Variants in MED13L observed in about 807,000 individuals in gnomAD.
MED13L encodes the protein mediator complex subunit 13L, also known as mediator of RNA polymerase II transcription subunit 13-like.
A neutral mutation model predicts 220.9 loss-of-function variants in MED13L; 7 were observed. That is an observed-to-expected ratio of 0.03 (90% CI 0.02 to 0.06). The LOEUF (loss-of-function observed/expected upper bound fraction) is 0.06, where lower values mean the gene tolerates loss of function less well. MED13L is among the 10% of genes least tolerant of loss of function. The pLI is 1.00. For missense variants in MED13L, 1,965 were observed against 2,760.5 expected (o/e 0.71, Z 6.46); for synonymous variants, 1,011 against 1,015.2 (o/e 1.00, Z 0.08).
At chr12:116,011,023 C>T (rs896337932) in intron 9 of MED13L, among the ~76,000 whole-genome samples, 5 of 151,906 alleles carry the variant, frequency 3.3e-5, no homozygotes, top group Non-Finnish European at 5.9e-5. Context: ...ATTACAGACA[C>T]GCACCACCAT....
In MED13L at chr12:116,015,205, T is replaced by C. The variant is rs760424314; in HGVS notation, c.1079A>G (p.His360Arg). ...AATCTTCCCCGATCTCTTTGGACTG[T>C]GCATCGTTATCATCCCTCCATCTTG... Reference protein sequence around the residue: ...VSQDGGMITMHSPKRSGKIPP... With the variant: ...VSQDGGMITMRSPKRSGKIPP... Residue 360 changes from histidine (H) to arginine (R), a missense_variant, in exon 8 of 31, where the codon CAC becomes CGC. Around this residue, in one of 10 missense-constraint regions of MED13L, gnomAD observed 818 missense variants for 1,041.2 expected, o/e 0.79. Coordinates refer to ENST00000281928, the MANE Select transcript of MED13L (RefSeq NM_015335.5). 2 of 1,613,948 alleles carry C rather than the reference T, an allele frequency of 1.2e-6. No homozygotes were observed. The highest frequency in any genetic ancestry group is 1.1e-5 in the South Asian group (1 of 91,084).
intron 2 of MED13L, among the ~76,000 whole-genome samples, chr12:116,211,160 T>TA: frequency 6.6e-6 from 1 of 152,172 alleles, no homozygotes; most frequent in African/African-American, 2.4e-5. Flanking sequence ...TCCCTTTTCT[T>TA]ACGATGGTGC....
intron 1 of MED13L, among the ~76,000 whole-genome samples, chr12:116,272,859 A>C (rs1873496090): frequency 6.6e-6 from 1 of 152,240 alleles, no homozygotes; most frequent in Non-Finnish European, 1.5e-5. Flanking sequence ...TGTACTTAAA[A>C]ATATTTACTA....
intron 10 of MED13L, chr12:116,007,926 T>G: frequency 2.3e-6 from 1 of 431,336 alleles, no homozygotes; most frequent in East Asian, 4.7e-5. Context: ...GTTATAAAAT[T>G]AACGTAATAA....
At chr12:116,015,559 C>T (rs1879677893) in intron 7 of MED13L, among the ~76,000 whole-genome samples, 1 of 152,134 alleles carries the variant, frequency 6.6e-6, no homozygotes, top group Non-Finnish European at 1.5e-5. Context: ...TACATAGGCA[C>T]TCCTAGTCCA....
intron 2 of MED13L, among the ~76,000 whole-genome samples, chr12:116,185,860 A>C (rs1226202760): frequency 1.3e-5 from 2 of 151,950 alleles, no homozygotes; most frequent in East Asian, 3.9e-4. Flanking sequence ...TGCCCAGCTA[A>C]TTTGTTTGTA....
intron 4 of MED13L, among the ~76,000 whole-genome samples, chr12:116,031,799 GGAAA>G (rs796161906): frequency 2.7e-5 from 4 of 146,496 alleles, no homozygotes; most frequent in African/African-American, 7.5e-5. Flanking sequence ...AAGGAAGGAA[GGAAA>G]GAAAGAGAGA....
chr12:115,978,007 T>C (rs894332780), intron 23 of MED13L, among the ~76,000 whole-genome samples: 1 of 150,960 alleles, frequency 6.6e-6, no homozygotes, highest in South Asian at 2.1e-4. Context: ...AAAATAAAAA[T>C]AAAAAAATTG....
chr12:116,135,262 C>T (rs1876438788), intron 2 of MED13L, among the ~76,000 whole-genome samples: 1 of 152,188 alleles, frequency 6.6e-6, no homozygotes, highest in African/African-American at 2.4e-5. Context: ...TTCACTGGAA[C>T]ACTCGCTCTG....
intron 2 of MED13L, among the ~76,000 whole-genome samples, chr12:116,223,272 T>C (rs1439098045): frequency 6.6e-6 from 1 of 152,192 alleles, no homozygotes; most frequent in African/African-American, 2.4e-5. Context: ...ATCTGTTCTA[T>C]GGGACAATTA....
At position 115,991,692 on chromosome 12, in the gene MED13L, T is replaced by C. The variant is rs1878071338; in HGVS notation, c.3262A>G (p.Thr1088Ala). Reference protein sequence around the residue: ...DQGSPASTPSTTRPLNSVEPA... With the variant: ...DQGSPASTPSATRPLNSVEPA... The stretch of plus-strand genomic sequence containing the variant: ...TCCACAGAGTTGAGGGGCCGTGTAG[T>C]AGAGGGGGTGGAGGCTGGTGATCCT... The change falls in exon 17 of 31, where the codon ACT becomes GCT. Residue 1088 changes from threonine (T) to alanine (A), a missense_variant. Physicochemically the swap from Thr to Ala is moderately conservative, Grantham distance 58 (BLOSUM62 0). Transcript: ENST00000281928. The surrounding 1 kb of genome is among the most constrained non-coding windows in gnomAD (Gnocchi z 7.7). 6.2e-6 allele frequency: 10 copies of C among 1,613,526 alleles called. No homozygotes were observed. Among genetic ancestry groups the C allele is most frequent in the South Asian group, 1.1e-5 (1 of 91,032 alleles).
chr12:116,166,385 C>G (rs907658897), intron 2 of MED13L, among the ~76,000 whole-genome samples: 3 of 152,120 alleles, frequency 2.0e-5, no homozygotes, highest in Non-Finnish European at 4.4e-5. Context: ...GGCAGAAGTT[C>G]TGTCCCTCTA....
intron 4 of MED13L, among the ~76,000 whole-genome samples, chr12:116,043,302 T>C (rs546563837): frequency 3.9e-5 from 6 of 152,246 alleles, no homozygotes; most frequent in Admixed American, 3.3e-4. Context: ...TTCTATGCAA[T>C]GCACTTGTAA....
At chr12:115,999,401 A>C in intron 14 of MED13L, among the ~76,000 whole-genome samples, 1 of 152,132 alleles carries the variant, frequency 6.6e-6, no homozygotes, top group East Asian at 1.9e-4. Context: ...AAAAAAAAAA[A>C]AAGTTCATCT....
intron 3 of MED13L, among the ~76,000 whole-genome samples, chr12:116,097,928 T>C (rs185264775): frequency 3.3e-5 from 5 of 152,240 alleles, no homozygotes; most frequent in African/African-American, 9.6e-5. Context: ...CCATGGATTG[T>C]AAGGAGTATA....
intron 4 of MED13L, among the ~76,000 whole-genome samples, chr12:116,060,579 G>GA (rs201867322): frequency 0.047 from 4,176 of 88,780 alleles, 79 homozygotes; most frequent in African/African-American, 0.083. Context: ...GACTCCAAGG[G>GA]AAAAAAAAAA....
chr12:116,253,646 C>T (rs1453408305), intron 1 of MED13L, among the ~76,000 whole-genome samples: 1 of 151,708 alleles, frequency 6.6e-6, no homozygotes, highest in African/African-American at 2.4e-5. Context: ...CATTTAGAAA[C>T]CCATCAGTAT....
intron 3 of MED13L, among the ~76,000 whole-genome samples, chr12:116,103,051 G>T (rs1282144409): frequency 6.6e-6 from 1 of 151,976 alleles, no homozygotes; most frequent in African/African-American, 2.4e-5. Context: ...CTACTACTGT[G>T]CCCTAGTGGA....
chr12:116,212,546 T>C (rs1882762984), intron 2 of MED13L, among the ~76,000 whole-genome samples: 1 of 152,084 alleles, frequency 6.6e-6, no homozygotes, highest in East Asian at 1.9e-4. Flanking sequence ...CCCAAACAAT[T>C]ACAGATAGTT....
Sources: allele counts gnomAD v4.1 joint callset (sites outside exome capture counted in the v4.1 genomes callset), GRCh38; gene constraint gnomAD v4.1.1; regional missense constraint gnomAD v4.1.1; non-coding constraint Gnocchi (gnomAD v3.1); transcripts MANE v1.5; gene names NCBI Gene and HGNC (gene_info 2026-07-23, HGNC 2026-07-21).